Variants in CCSAP observed in about 807,000 individuals in gnomAD.
CCSAP encodes the protein centriole, cilia and spindle associated protein, also known as centriole, cilia and spindle-associated protein.
CCSAP carries 17 observed loss-of-function variants against 25.9 expected under a neutral mutation model. The ratio of observed to expected loss-of-function variants is 0.66; its 90% CI spans 0.45 to 0.99. CCSAP has a LOEUF of 0.99. Ranked by LOEUF, CCSAP falls within the 50% of genes least tolerant of loss-of-function variation. The probability of loss-of-function intolerance (pLI) is 0.00; values close to 1 mark genes in which losing one functional copy is unlikely to be tolerated. For missense variants in CCSAP, 339 were observed against 367.8 expected (o/e 0.92, Z 0.64); for synonymous variants, 169 against 157.1 (o/e 1.08, Z -0.57).
At chr1:229,333,823 A>G (rs927763184) in intron 2 of CCSAP, among the ~76,000 whole-genome samples, 2 of 151,854 alleles carry the variant, frequency 1.3e-5, no homozygotes, top group African/African-American at 4.8e-5. Flanking sequence ...AGAGGTTGCA[A>G]TGAGCCAAGA....
At position 229,323,476 on chromosome 1, in the gene CCSAP, T is replaced by G. The variant is rs1331625645; in HGVS notation, c.*1759A>C. Reference sequence around the variant, plus strand: ...GCAAGAAGCGACTTTAAAGGAACAGTTTTCACAATCAGCTAGCTACACCAT... The same window carrying G: ...GCAAGAAGCGACTTTAAAGGAACAGGTTTCACAATCAGCTAGCTACACCAT... On this transcript the variant is annotated 3_prime_UTR_variant, in exon 4 of 4. Transcript: ENST00000284617. The G allele has an allele frequency of 6.6e-6, 1 of 152,086 alleles. No individual in the cohort carries two copies. Among genetic ancestry groups the G allele is most frequent in the African/African-American group, 2.4e-5 (1 of 41,400 alleles). The allele number at this position is 152,086 out of a possible 1,614,324, so 9.4% of individuals were successfully genotyped here.
At position 229,334,440 on chromosome 1, in the gene CCSAP, G is replaced by A. The variant is rs371003652; in HGVS notation, c.368-7434C>T. On this transcript the variant is annotated intron_variant, in intron 2 of 3. Transcript: ENST00000284617. ...TGTTACATGGCAAAACATGCGTGAT[G>A]CAGCTAAAGCAGTTATCAGAGGGAA... Among the ~76,000 whole-genome samples the A allele has an allele frequency of 5.3e-5, 8 of 152,298 alleles. No individual in the cohort carries two copies. In the South Asian group the frequency reaches 6.2e-4, roughly 12 times the overall value.
intron 2 of CCSAP, among the ~76,000 whole-genome samples, chr1:229,337,680 T>TAA (rs1558252343): frequency 4.4e-5 from 2 of 45,392 alleles, no homozygotes; most frequent in Non-Finnish European, 9.4e-5. Flanking sequence ...CAAAAAAAAA[T>TAA]ATATATATAT....
chr1:229,342,253 GC>G lies in CCSAP; in HGVS notation c.212del (p.Gly71AlafsTer15), dbSNP rs1288794212. ...AGGGCGGGGCGCACCGGGGTGCGGG[GC>G]CCCCGGCGCCCGACGACTCTGACGA... is the stretch of plus-strand genomic sequence containing the variant. ...SASSESSGAG[G>X]PAPRCAPPSP... is the part of the protein sequence containing the mutation. On this transcript the variant is annotated frameshift_variant, in exon 2 of 4. Coordinates refer to ENST00000284617, the MANE Select transcript of CCSAP (RefSeq NM_145257.5). LOFTEE classifies it high-confidence loss of function. The surrounding 1 kb of genome is among the most constrained non-coding windows in gnomAD (Gnocchi z 7.5). 1.6e-5 allele frequency: 21 copies of G among 1,278,910 alleles called. No individual in the cohort carries two copies. In the South Asian group the frequency reaches 2.6e-4, roughly 16 times the overall value. The allele number at this position is 1,278,910 out of a possible 1,614,324, so 79.2% of individuals were successfully genotyped here. A position where few individuals can be genotyped will look rare whatever the true frequency, so the allele number is the denominator to read the frequency against.
In CCSAP at chr1:229,321,980, T is replaced by C. The variant is rs1436754314; in HGVS notation, c.*3255A>G. The C allele has an allele frequency of 1.3e-5, 2 of 152,164 alleles. No homozygotes were observed. Among genetic ancestry groups the C allele is most frequent in the Non-Finnish European group, 2.9e-5 (2 of 68,034 alleles). The allele number at this position is 152,164 out of a possible 1,614,324, so 9.4% of individuals were successfully genotyped here. Reference sequence around the variant, plus strand: ...ACATTGTATTAGGTATTTTAAGTAATCTAGAGATGATTTAAAGCATACAGG... The same window carrying C: ...ACATTGTATTAGGTATTTTAAGTAACCTAGAGATGATTTAAAGCATACAGG... On this transcript the variant is annotated 3_prime_UTR_variant, in exon 4 of 4. Transcript: ENST00000284617.
chr1:229,333,927 A>G (rs796151420), intron 2 of CCSAP, among the ~76,000 whole-genome samples: 10 of 152,330 alleles, frequency 6.6e-5, no homozygotes, highest in African/African-American at 2.4e-4. Flanking sequence ...AATGGTTAAA[A>G]TTGTAACGTG....
intron 2 of CCSAP, among the ~76,000 whole-genome samples, chr1:229,327,867 CAAAAAA>C (rs765651478): frequency 9.2e-4 from 84 of 91,792 alleles, no homozygotes; most frequent in African/African-American, 2.8e-3. Flanking sequence ...GACTCCGTCT[CAAAAAA>C]AAAAAAAAAA....
Position 229,323,299 on chromosome 1 carries a change from A to G in CCSAP, c.*1936T>C, listed in dbSNP as rs527622080. On this transcript the variant is annotated 3_prime_UTR_variant, in exon 4 of 4. Coordinates refer to ENST00000284617, the MANE Select transcript of CCSAP (RefSeq NM_145257.5). Reference sequence around the variant, plus strand: ...TACATTAAATATAAGTTTGTTTTCTAAACAAGAGAAAAGTCTGGCGGTTCA... The same window carrying G: ...TACATTAAATATAAGTTTGTTTTCTGAACAAGAGAAAAGTCTGGCGGTTCA... The G allele has an allele frequency of 2.6e-5, 4 of 152,368 alleles. No individual in the cohort carries two copies. The highest frequency in any genetic ancestry group is 2.6e-4 in the Admixed American group (4 of 15,308). The allele number at this position is 152,368 out of a possible 1,614,324, so 9.4% of individuals were successfully genotyped here.
At chr1:229,327,132 G>A (rs1045986258) in intron 2 of CCSAP, 126 bp from the exon 3 acceptor site, 15 of 746,584 alleles carry the variant, frequency 2.0e-5, no homozygotes, top group Admixed American at 6.5e-5. Flanking sequence ...CAACTCATAC[G>A]ATCCACTTAA....
chr1:229,327,464 C>A, intron 2 of CCSAP: 1 of 454,452 alleles, frequency 2.2e-6, no homozygotes, highest in South Asian at 1.6e-5. Flanking sequence ...TCCTTCCGTG[C>A]TCCTCCTGAG....
intron 2 of CCSAP, among the ~76,000 whole-genome samples, chr1:229,336,922 C>T (rs1268134438): frequency 1.3e-5 from 2 of 151,466 alleles, no homozygotes; most frequent in Admixed American, 1.3e-4. Flanking sequence ...TTAAAAATTT[C>T]AATAGAAATG....
chr1:229,334,866 G>A (rs922097295), intron 2 of CCSAP, among the ~76,000 whole-genome samples: 14 of 152,304 alleles, frequency 9.2e-5, no homozygotes, highest in African/African-American at 3.4e-4. Context: ...AGGACAGAGA[G>A]CAAGGGAGGT....
intron 2 of CCSAP, among the ~76,000 whole-genome samples, chr1:229,332,923 G>A (rs1222079398): frequency 6.6e-6 from 1 of 151,878 alleles, no homozygotes; most frequent in Non-Finnish European, 1.5e-5. Context: ...TTGACCTAAT[G>A]GATATATATA....
Position 229,326,734 on chromosome 1 carries a change from G to T in CCSAP, c.636+4C>A, listed in dbSNP as rs200126821. Reference sequence around the variant, plus strand: ...ACACAGAACCACAAGGGCCCAGAGCGCACCTCGTGCACAGGAGCGGACGCA... The same window carrying T: ...ACACAGAACCACAAGGGCCCAGAGCTCACCTCGTGCACAGGAGCGGACGCA... On this transcript the variant is annotated splice_donor_region_variant and intron_variant, in intron 3 of 3. Coordinates refer to ENST00000284617, the MANE Select transcript of CCSAP (RefSeq NM_145257.5). 6.2e-7 allele frequency: 1 copy of T among 1,613,618 alleles called. No homozygotes were observed. The highest frequency in any genetic ancestry group is 1.3e-5 in the African/African-American group (1 of 74,904).
chr1:229,336,940 A>T (rs1658208581), intron 2 of CCSAP, among the ~76,000 whole-genome samples: 1 of 152,166 alleles, frequency 6.6e-6, no homozygotes, highest in South Asian at 2.1e-4. Flanking sequence ...ATGTTGGGAA[A>T]TAACATTGAA....
chr1:229,337,823 C>G, intron 2 of CCSAP, among the ~76,000 whole-genome samples: 1 of 149,100 alleles, frequency 6.7e-6, no homozygotes, highest in Non-Finnish European at 1.5e-5. Context: ...TACTATCAGG[C>G]CATTTCAGGC....
chr1:229,340,604 T>C (rs549079243), intron 2 of CCSAP: 2 of 540,666 alleles, frequency 3.7e-6, no homozygotes, highest in East Asian at 6.1e-5. Context: ...CCCTACCCCC[T>C]CCACCTTCTG....
intron 2 of CCSAP, among the ~76,000 whole-genome samples, chr1:229,336,542 G>C (rs1045044758): frequency 6.6e-5 from 10 of 152,184 alleles, no homozygotes; most frequent in African/African-American, 2.4e-4. Flanking sequence ...GACGCTGGCA[G>C]GTATACATGT....
chr1:229,327,506 A>C (rs1471031217), intron 2 of CCSAP: 1 of 456,182 alleles, frequency 2.2e-6, no homozygotes, highest in Non-Finnish European at 4.4e-6. Flanking sequence ...GCCCCTCCGC[A>C]CAACAGGGAG....
Sources: gnomAD v4.1 joint callset for allele counts (sites outside exome capture counted in the v4.1 genomes callset) on GRCh38, gnomAD v4.1.1 for gene constraint, Gnocchi (gnomAD v3.1) non-coding constraint, MANE v1.5 for transcripts, NCBI Gene and HGNC (gene_info 2026-07-23, HGNC 2026-07-21) for gene names.